SEMA5A: variants seen among roughly 807,000 people sequenced by gnomAD.
SEMA5A encodes semaphorin 5A, also known as semaphorin-5A.
A neutral mutation model predicts 135.5 loss-of-function variants in SEMA5A; 55 were observed. The observed-to-expected ratio is 0.41, with a 90% CI of 0.33 to 0.51. SEMA5A has a LOEUF of 0.51. SEMA5A is among the 20% of genes least tolerant of loss of function. SEMA5A has a pLI of 0.37. For synonymous variants in SEMA5A, 580 were observed against 546.5 expected (o/e 1.06, Z -0.85); for missense variants, 1,290 against 1,419.9 (o/e 0.91, Z 1.47).
intron 11 of SEMA5A, among the ~76,000 whole-genome samples, chr5:9,164,298 T>C (rs1194846600): frequency 6.9e-6 from 1 of 145,962 alleles, no homozygotes; most frequent in Non-Finnish European, 1.5e-5. Flanking sequence ...TATATAATTA[T>C]AAATATATAT....
At position 9,190,377 on chromosome 5, in the gene SEMA5A, G is replaced by A; in HGVS notation, c.1163C>T (p.Pro388Leu). The A allele has an allele frequency of 6.2e-7, 1 of 1,613,998 alleles. No homozygotes were observed. Among genetic ancestry groups the A allele is most frequent in the Non-Finnish European group, 8.5e-7 (1 of 1,180,010 alleles). The change falls in exon 11 of 23, where the codon CCA becomes CTA. Residue 388 changes from proline to leucine, a missense_variant. Physicochemically the swap from Pro to Leu is moderately conservative, Grantham distance 98. This residue lies in a region of SEMA5A where 1,029 missense variants were observed against 1,086.6 expected (regional missense o/e 0.95). Transcript: ENST00000382496. The part of the protein sequence containing the change: ...KFILMHEVVQ[P>L]VTTVPSFMED... ...CATGAAGGAGGGCACTGTGGTCACT[G>A]GCTGTACCACCTCATGCATCAGAAT...
chr5:9,224,980 T>C, intron 7 of SEMA5A, 93 bp from the exon 8 acceptor site: 1 of 1,199,136 alleles, frequency 8.3e-7, no homozygotes, highest in Non-Finnish European at 1.2e-6. Context: ...CAGTGACGCT[T>C]GTGCAACAGC....
chr5:9,328,814 A>G (rs3777332), intron 4 of SEMA5A, among the ~76,000 whole-genome samples: 24,900 of 152,006 alleles, frequency 0.16, 2,317 homozygotes, highest in African/African-American at 0.25. Flanking sequence ...TACTTCCGGA[A>G]AGTGGAATTC....
intron 8 of SEMA5A, 99 bp downstream of exon 8, chr5:9,224,575 T>C (rs1747186810): frequency 9.7e-7 from 1 of 1,030,800 alleles, no homozygotes; most frequent in African/African-American, 1.6e-5. Context: ...AGATGAAGAA[T>C]TCATTTTTAT....
intron 1 of SEMA5A, among the ~76,000 whole-genome samples, chr5:9,538,789 G>A (rs534521574): frequency 6.6e-6 from 1 of 152,312 alleles, no homozygotes; most frequent in South Asian, 2.1e-4. Context: ...TCAAAGAAAT[G>A]TGCTCATCCT....
chr5:9,252,559 C>T (rs564169294), intron 5 of SEMA5A, among the ~76,000 whole-genome samples: 2 of 152,166 alleles, frequency 1.3e-5, no homozygotes, highest in South Asian at 2.1e-4. Flanking sequence ...ATTTCCTAAG[C>T]GAGTTTATAC....
chr5:9,118,925 G>A, intron 15 of SEMA5A, 73 bp downstream of exon 15: 9 of 1,556,710 alleles, frequency 5.8e-6, no homozygotes, highest in Non-Finnish European at 7.8e-6. Context: ...AACTAAAACC[G>A]CGGGGAACTC....
At chr5:9,233,474 TC>T (rs1177863207) in intron 6 of SEMA5A, among the ~76,000 whole-genome samples, 1 of 151,990 alleles carries the variant, frequency 6.6e-6, no homozygotes, top group Non-Finnish European at 1.5e-5. Context: ...CCACTTTTTT[TC>T]CCCCATGGAA....
rs535665763 is a variant in SEMA5A, at chr5:9,317,966, T to C, written c.270+406A>G. On this transcript the variant is annotated intron_variant, in intron 5 of 22. Coordinates refer to ENST00000382496, the MANE Select transcript of SEMA5A (RefSeq NM_003966.3). ...CTTTTAACCCAAGTATTCATATTTATGTTAATATAAATTATAAAGAGGAAA... is the reference window on the plus strand; with the variant it reads ...CTTTTAACCCAAGTATTCATATTTACGTTAATATAAATTATAAAGAGGAAA... 1.8e-4 allele frequency among the ~76,000 whole-genome samples: 27 copies of C among 152,342 alleles called. No homozygotes were observed. The East Asian group carries it at 5.2e-3, about 29-fold the overall frequency.
At chr5:9,066,377 C>A in intron 17 of SEMA5A, 44 bp downstream of exon 17, 1 of 1,569,806 alleles carries the variant, frequency 6.4e-7, no homozygotes, top group African/African-American at 1.3e-5. Flanking sequence ...AGATCAAAGG[C>A]CCTTCCATGG....
chr5:9,370,974 A>G (rs774308293), intron 3 of SEMA5A, among the ~76,000 whole-genome samples: 10 of 152,242 alleles, frequency 6.6e-5, no homozygotes, highest in Admixed American at 3.9e-4. Context: ...ATATACTTAA[A>G]GATAGATAAA....
chr5:9,059,246 T>C (rs1272205789), intron 18 of SEMA5A, among the ~76,000 whole-genome samples: 1 of 152,132 alleles, frequency 6.6e-6, no homozygotes, highest in East Asian at 1.9e-4. Context: ...AGCTGAACAT[T>C]ACTTAGCAAC....
intron 8 of SEMA5A, among the ~76,000 whole-genome samples, chr5:9,215,693 T>C (rs530935358): frequency 6.6e-6 from 1 of 152,340 alleles, no homozygotes; most frequent in Non-Finnish European, 1.5e-5. Context: ...AATACATTTC[T>C]GGTAGTTTCT....
chr5:9,396,223 C>A (rs1756390227), intron 2 of SEMA5A, among the ~76,000 whole-genome samples: 1 of 148,468 alleles, frequency 6.7e-6, no homozygotes, highest in Non-Finnish European at 1.5e-5. Context: ...AGAACGGTCT[C>A]TTTTGATTTA....
intron 16 of SEMA5A, among the ~76,000 whole-genome samples, chr5:9,067,132 CTT>C (rs1301939391): frequency 6.6e-6 from 1 of 152,134 alleles, no homozygotes; most frequent in Non-Finnish European, 1.5e-5. Flanking sequence ...ATGCAAGAGA[CTT>C]TTTTTACGTA....
intron 5 of SEMA5A, among the ~76,000 whole-genome samples, chr5:9,241,316 C>A (rs1748182874): frequency 6.6e-6 from 1 of 151,944 alleles, no homozygotes; most frequent in South Asian, 2.1e-4. Context: ...ACCTACCAAA[C>A]AGAAGACACT....
intron 2 of SEMA5A, among the ~76,000 whole-genome samples, chr5:9,390,465 A>C (rs1756111969): frequency 6.6e-6 from 1 of 152,258 alleles, no homozygotes; most frequent in Non-Finnish European, 1.5e-5. Context: ...GTTAAGAAAT[A>C]CAAATACCTT....
chr5:9,225,307 A>C (rs1179048327), intron 7 of SEMA5A, among the ~76,000 whole-genome samples: 1 of 148,696 alleles, frequency 6.7e-6, no homozygotes. Context: ...TAATCCCAGC[A>C]CTTTGGGAGG....
intron 3 of SEMA5A, among the ~76,000 whole-genome samples, chr5:9,379,548 G>A (rs1755503681): frequency 6.6e-6 from 1 of 152,148 alleles, no homozygotes; most frequent in African/African-American, 2.4e-5. Context: ...CACTTAGGAG[G>A]CCCACAGTAC....
Sources: gnomAD v4.1 joint callset for allele counts (sites outside exome capture counted in the v4.1 genomes callset) on GRCh38, gnomAD v4.1.1 for gene constraint, gnomAD v4.1.1 regional missense constraint, MANE v1.5 for transcripts, NCBI Gene and HGNC (gene_info 2026-07-23, HGNC 2026-07-21) for gene names.